The following CTNND2 variants were observed in gnomAD, a reference collection of about 807,000 sequenced individuals.
CTNND2 encodes catenin delta 2.
CTNND2 carries 22 observed loss-of-function variants against 144.4 expected under a neutral mutation model. The ratio of observed to expected loss-of-function variants is 0.15; its 90% confidence interval spans 0.11 to 0.22. The LOEUF (loss-of-function observed/expected upper bound fraction) is 0.22, where lower values mean the gene tolerates loss of function less well. CTNND2 is among the 10% of genes least tolerant of loss of function. The pLI is 1.00. For missense variants in CTNND2, 1,353 were observed against 1,618.8 expected (o/e 0.84, Z 2.82); for synonymous variants, 751 against 695.6 (o/e 1.08, Z -1.25).
intron 9 of CTNND2, among the ~76,000 whole-genome samples, chr5:11,332,109 C>T (rs564568654): frequency 6.6e-6 from 1 of 151,996 alleles, no homozygotes; most frequent in African/African-American, 2.4e-5. Context: ...AACCCCGTCC[C>T]TACTAAAAAT....
intron 11 of CTNND2, among the ~76,000 whole-genome samples, chr5:11,171,403 T>C (rs1759891957): frequency 6.6e-6 from 1 of 152,228 alleles, no homozygotes; most frequent in Non-Finnish European, 1.5e-5. Flanking sequence ...TATCACTGGA[T>C]AATAATATTA....
chr5:11,892,682 G>A (rs1737072094), intron 1 of CTNND2, among the ~76,000 whole-genome samples: 1 of 151,650 alleles, frequency 6.6e-6, no homozygotes, highest in African/African-American at 2.4e-5. Flanking sequence ...ACCTTCTTTG[G>A]GCCAGAGCTA....
chr5:11,545,516 G>T (rs1323615224), intron 3 of CTNND2, among the ~76,000 whole-genome samples: 5 of 151,620 alleles, frequency 3.3e-5, no homozygotes, highest in Non-Finnish European at 7.4e-5. Context: ...CAAAAAATTA[G>T]CTGGGCATGG....
At chr5:11,636,018 G>T (rs1403958205) in intron 2 of CTNND2, among the ~76,000 whole-genome samples, 1 of 140,846 alleles carries the variant, frequency 7.1e-6, no homozygotes, top group Non-Finnish European at 1.5e-5. Flanking sequence ...AAGCATCAAT[G>T]GTTTAATCCC....
chr5:11,700,818 A>C (rs1346943115), intron 2 of CTNND2, among the ~76,000 whole-genome samples: 1 of 152,220 alleles, frequency 6.6e-6, no homozygotes, highest in African/African-American at 2.4e-5. Flanking sequence ...GAACAACTGA[A>C]CTAAAGAGAG....
intron 2 of CTNND2, among the ~76,000 whole-genome samples, chr5:11,650,088 G>A (rs1581666945): frequency 6.6e-6 from 1 of 152,264 alleles, no homozygotes; most frequent in Non-Finnish European, 1.5e-5. Context: ...TTGTTGAATT[G>A]TAATCCCCAA....
chr5:11,114,792 AAAG>A (rs1391168666), intron 13 of CTNND2, among the ~76,000 whole-genome samples: 1 of 152,182 alleles, frequency 6.6e-6, no homozygotes, highest in Non-Finnish European at 1.5e-5. Context: ...CAGGCCTTAA[AAAG>A]AAGGTGTACT....
intron 7 of CTNND2, among the ~76,000 whole-genome samples, chr5:11,374,304 C>T (rs1484705365): frequency 2.6e-5 from 4 of 152,198 alleles, no homozygotes; most frequent in Non-Finnish European, 4.4e-5. Context: ...CATAACTTGA[C>T]ATCAGACTTG....
chr5:11,555,462 A>C (rs969720920), intron 3 of CTNND2, among the ~76,000 whole-genome samples: 31 of 152,268 alleles, frequency 2.0e-4, no homozygotes, highest in African/African-American at 7.0e-4. Context: ...GGTTTAGAGG[A>C]ATAAGAGCTT....
intron 5 of CTNND2, among the ~76,000 whole-genome samples, chr5:11,407,121 G>A (rs1297851867): frequency 6.6e-6 from 1 of 152,140 alleles, no homozygotes; most frequent in African/African-American, 2.4e-5. Context: ...AGGATGCATA[G>A]ATTAAAGAAA....
chr5:11,356,869 G>A (rs184094571), intron 8 of CTNND2, among the ~76,000 whole-genome samples: 2 of 149,218 alleles, frequency 1.3e-5, no homozygotes, highest in East Asian at 3.9e-4. Context: ...ATGTGCAAAA[G>A]ACCTTACTTG....
chr5:11,240,832 A>AC (rs201352713), intron 9 of CTNND2, among the ~76,000 whole-genome samples: 4 of 109,290 alleles, frequency 3.7e-5, no homozygotes, highest in Non-Finnish European at 3.7e-5. Context: ...CAGCACACAC[A>AC]CCCCCCAACA....
intron 9 of CTNND2, among the ~76,000 whole-genome samples, chr5:11,252,185 T>C (rs897829172): frequency 3.3e-5 from 5 of 152,196 alleles, no homozygotes; most frequent in African/African-American, 4.8e-5. Flanking sequence ...TTCACACCCA[T>C]TTGTTGCCCT....
intron 2 of CTNND2, among the ~76,000 whole-genome samples, chr5:11,677,465 T>C (rs1020712970): frequency 7.9e-5 from 12 of 152,212 alleles, no homozygotes; most frequent in Non-Finnish European, 4.4e-5. Context: ...GAAGTTTTCT[T>C]TCAACAGATC....
chr5:11,734,467 A>C (rs1457859099), intron 1 of CTNND2, among the ~76,000 whole-genome samples: 1 of 152,206 alleles, frequency 6.6e-6, no homozygotes, highest in Non-Finnish European at 1.5e-5. Flanking sequence ...ATGAACTTAA[A>C]AAGGGACTGA....
rs117231220 is a variant in CTNND2 at position 11,151,087 on chromosome 5, G to A, written c.2159+8489C>T. ...TGTTCTGTGAGCTGTACTAACTCAC[G>A]GGTTGTTTGGCCCAACTTTGGTAAA... On this transcript the variant is annotated intron_variant, in intron 12 of 21. Coordinates refer to ENST00000304623, the MANE Select transcript of CTNND2 (RefSeq NM_001332.4). 4.6e-4 allele frequency among the ~76,000 whole-genome samples: 70 copies of A among 152,280 alleles called. No individual in the cohort carries two copies. The East Asian group carries it at 0.013, about 28-fold the overall frequency.
Position 10,973,384 on chromosome 5 carries a change from A to G in CTNND2, c.*69T>C, listed in dbSNP as rs1736032172. Reference sequence around the variant, plus strand: ...AACTAAATTTGCAGGAGAAAAAAACAAAACAGAAAGAAATGTCTTGTGGTA... The same window carrying G: ...AACTAAATTTGCAGGAGAAAAAAACGAAACAGAAAGAAATGTCTTGTGGTA... On this transcript the variant is annotated 3_prime_UTR_variant, in exon 22 of 22. Coordinates refer to ENST00000304623, the MANE Select transcript of CTNND2 (RefSeq NM_001332.4). The surrounding 1 kb of genome is among the most constrained non-coding windows in gnomAD (Gnocchi z 5.6). 1.4e-6 allele frequency: 2 copies of G among 1,443,020 alleles called. No homozygotes were observed. Among genetic ancestry groups the G allele is most frequent in the Non-Finnish European group, 1.8e-6 (2 of 1,094,148 alleles). The allele number at this position is 1,443,020 out of a possible 1,614,324, so 89.4% of individuals were successfully genotyped here. A position where few individuals can be genotyped will look rare whatever the true frequency, so the allele number is the denominator to read the frequency against.
chr5:11,288,347 A>G (rs1268906995), intron 9 of CTNND2, among the ~76,000 whole-genome samples: 1 of 151,868 alleles, frequency 6.6e-6, no homozygotes, highest in Non-Finnish European at 1.5e-5. Flanking sequence ...TTTTTTTTAA[A>G]TACGACTTGG....
At chr5:11,664,826 A>G (rs1202712677) in intron 2 of CTNND2, among the ~76,000 whole-genome samples, 1 of 152,186 alleles carries the variant, frequency 6.6e-6, no homozygotes, top group African/African-American at 2.4e-5. Flanking sequence ...GAAGTGCTCC[A>G]TCAGGTCTTG....
Sources: gnomAD v4.1 joint callset for allele counts (sites outside exome capture counted in the v4.1 genomes callset) on GRCh38, gnomAD v4.1.1 for gene constraint, Gnocchi (gnomAD v3.1) non-coding constraint, MANE v1.5 for transcripts, NCBI Gene and HGNC (gene_info 2026-07-23, HGNC 2026-07-21) for gene names.